The following VGLL4 variants were observed in gnomAD, a reference collection of about 807,000 sequenced individuals.
VGLL4 encodes the protein transcription cofactor vestigial-like protein 4.
VGLL4 carries 7 observed loss-of-function variants against 21.0 expected under a neutral mutation model. The ratio of observed to expected loss-of-function variants is 0.33; its 90% CI spans 0.19 to 0.63. The LOEUF (loss-of-function observed/expected upper bound fraction) is 0.63, where lower values mean the gene tolerates loss of function less well. Among genes scored for constraint, VGLL4 ranks in the 20% least tolerant of loss-of-function variants. The pLI is 0.78. For missense variants in VGLL4, 394 were observed against 425.7 expected (o/e 0.93, Z 0.66); for synonymous variants, 222 against 173.2 (o/e 1.28, Z -2.21).
chr3:11,713,555 GTATATATATTATTTATATATA>G (rs1030587403), intron 1 of VGLL4, among the ~76,000 whole-genome samples: 1 of 102,628 alleles, frequency 9.7e-6, no homozygotes, highest in Admixed American at 1.2e-4. Context: ...AGAACTGTGT[GTATATATATTATTTATATATA>G]TATATATATA....
At chr3:11,626,285 G>C (rs2075350782) in intron 1 of VGLL4, 1 of 447,746 alleles carries the variant, frequency 2.2e-6, no homozygotes, top group Admixed American at 2.5e-5. Flanking sequence ...TGAACTCAAA[G>C]ACACAACCTT....
At chr3:11,675,208 G>A (rs1355583419) in intron 2 of VGLL4, among the ~76,000 whole-genome samples, 1 of 152,116 alleles carries the variant, frequency 6.6e-6, no homozygotes, top group African/African-American at 2.4e-5. Flanking sequence ...CAGTCGTAGT[G>A]GCAGGCGCCT....
At chr3:11,570,346 G>A (rs2073725389) in intron 2 of VGLL4, among the ~76,000 whole-genome samples, 1 of 152,118 alleles carries the variant, frequency 6.6e-6, no homozygotes, top group African/African-American at 2.4e-5. Context: ...CAGAGACACA[G>A]GAAAGGAGCA....
intron 1 of VGLL4, among the ~76,000 whole-genome samples, chr3:11,616,299 A>C (rs763070889): frequency 6.6e-5 from 10 of 152,182 alleles, no homozygotes; most frequent in Non-Finnish European, 5.9e-5. Flanking sequence ...TCAGCAAGTA[A>C]GTGTTCCTTG....
chr3:11,632,940 A>G (rs1254733148), intron 1 of VGLL4, among the ~76,000 whole-genome samples: 1 of 152,212 alleles, frequency 6.6e-6, no homozygotes. Context: ...GTAACTAGAA[A>G]GCAAGACGAA....
intron 1 of VGLL4, among the ~76,000 whole-genome samples, chr3:11,716,764 G>C (rs2076924119): frequency 6.6e-6 from 1 of 152,022 alleles, no homozygotes; most frequent in South Asian, 2.1e-4. Flanking sequence ...CTTGCATCAA[G>C]ATTTTGCAAT....
chr3:11,571,614 C>T (rs1009805271), intron 2 of VGLL4, among the ~76,000 whole-genome samples: 1 of 152,174 alleles, frequency 6.6e-6, no homozygotes, highest in Non-Finnish European at 1.5e-5. Context: ...CTACAGTGAG[C>T]CATGACAGAG....
At chr3:11,668,510 A>G (rs962525675) in intron 2 of VGLL4, among the ~76,000 whole-genome samples, 2 of 152,186 alleles carry the variant, frequency 1.3e-5, no homozygotes, top group African/African-American at 4.8e-5. Flanking sequence ...TTTGGGGCCC[A>G]GGAATCTTAA....
At chr3:11,720,594 C>G (rs992029908) in exon 1 of VGLL4, 2 of 152,504 alleles carry the variant, frequency 1.3e-5, no homozygotes, top group African/African-American at 2.4e-5. Context: ...GTCCTTCCCC[C>G]GCCTCGCCCG....
intron 1 of VGLL4, among the ~76,000 whole-genome samples, chr3:11,706,773 A>C (rs1380822728): frequency 6.6e-6 from 1 of 152,018 alleles, no homozygotes; most frequent in Non-Finnish European, 1.5e-5. Context: ...CTGAGTCAAC[A>C]ACAGTCTGAG....
chr3:11,564,004 G>C (rs1410921676), intron 3 of VGLL4, among the ~76,000 whole-genome samples: 2 of 152,172 alleles, frequency 1.3e-5, no homozygotes, highest in East Asian at 1.9e-4. Context: ...TGAATGCACA[G>C]AGCCCGGAGG....
chr3:11,676,196 G>A (rs2076287000), intron 2 of VGLL4, among the ~76,000 whole-genome samples: 1 of 151,950 alleles, frequency 6.6e-6, no homozygotes, highest in South Asian at 2.1e-4. Flanking sequence ...GACCATCCTG[G>A]CTAACACGGT....
chr3:11,716,988 C>T (rs755729374), intron 1 of VGLL4, among the ~76,000 whole-genome samples: 1 of 152,080 alleles, frequency 6.6e-6, no homozygotes, highest in Non-Finnish European at 1.5e-5. Flanking sequence ...AAAAAACTTT[C>T]TCTTTCACCA....
intron 1 of VGLL4, among the ~76,000 whole-genome samples, chr3:11,634,229 C>T (rs1367074731): frequency 6.6e-6 from 1 of 152,158 alleles, no homozygotes; most frequent in Non-Finnish European, 1.5e-5. Flanking sequence ...GAACCTAGTC[C>T]TCTTCCTGTG....
intron 2 of VGLL4, among the ~76,000 whole-genome samples, chr3:11,588,756 T>C (rs991758469): frequency 6.6e-6 from 1 of 152,056 alleles, no homozygotes; most frequent in African/African-American, 2.4e-5. Context: ...AGGCAAGGAG[T>C]AGACTTGGTG....
At chr3:11,688,521 A>C (rs907341407) in intron 2 of VGLL4, among the ~76,000 whole-genome samples, 1 of 152,174 alleles carries the variant, frequency 6.6e-6, no homozygotes. Flanking sequence ...TTACATGTGC[A>C]TATATTTGTA....
At chr3:11,584,183 C>T (rs535041187) in intron 2 of VGLL4, among the ~76,000 whole-genome samples, 2 of 152,172 alleles carry the variant, frequency 1.3e-5, no homozygotes, top group South Asian at 4.2e-4. Flanking sequence ...GACAGAGCAT[C>T]CTTAATATGA....
rs1559932595 is a variant in VGLL4, at chr3:11,665,105, T to TTC, written c.64+37865_64+37866insGA. Among the ~76,000 whole-genome samples, 12 of 109,006 alleles carry TTC rather than the reference T, an allele frequency of 1.1e-4. 4 individuals carry two copies. The highest frequency in any genetic ancestry group is 1.3e-4 in the Non-Finnish European group (7 of 55,134). 71.5% of individuals were successfully genotyped at this position (109,006 alleles called of 152,430 possible). Reference sequence around the variant, plus strand: ...GAAAGCAATTTGAATATTTTTCTTTTTTTTTTTTTTTTTTTTTTTTTTTTT... The same window carrying TTC: ...GAAAGCAATTTGAATATTTTTCTTTTTCTTTTTTTTTTTTTTTTTTTTTTTTT... On this transcript the variant is annotated intron_variant, in intron 2 of 5. Transcript: ENST00000273038.
intron 1 of VGLL4, among the ~76,000 whole-genome samples, chr3:11,639,694 GA>G (rs1200066496): frequency 6.6e-6 from 1 of 152,170 alleles, no homozygotes; most frequent in Non-Finnish European, 1.5e-5. Context: ...CCAACATGGT[GA>G]AACCCTACCT....
Sources: allele counts gnomAD v4.1 joint callset (sites outside exome capture counted in the v4.1 genomes callset), GRCh38; gene constraint gnomAD v4.1.1; transcripts MANE v1.5; gene names NCBI Gene and HGNC (gene_info 2026-07-23, HGNC 2026-07-21).